Variants in ENTREP2 observed in about 807,000 individuals in gnomAD.
The protein encoded by ENTREP2 is protein ENTREP2.
the ENTREP2 span, among the ~76,000 whole-genome samples, chr15:29,642,536 C>T: frequency 6.8e-6 from 1 of 146,872 alleles, no homozygotes; most frequent in South Asian, 2.1e-4. Context: ...ACATATATAT[C>T]ATATGTACAT....
At chr15:29,289,424 T>C in the ENTREP2 span, among the ~76,000 whole-genome samples, 28 of 151,864 alleles carry the variant, frequency 1.8e-4, no homozygotes, top group African/African-American at 6.8e-4. Context: ...CGGGTGATAA[T>C]GGGGAAAAAC....
the ENTREP2 span, among the ~76,000 whole-genome samples, chr15:29,442,494 G>A: frequency 6.6e-6 from 1 of 152,144 alleles, no homozygotes; most frequent in African/African-American, 2.4e-5. Context: ...ATCAAAGAGG[G>A]GGAACTCTGT....
chr15:29,529,792 T>C, the ENTREP2 span, among the ~76,000 whole-genome samples: 2 of 152,142 alleles, frequency 1.3e-5, no homozygotes, highest in Non-Finnish European at 2.9e-5. Context: ...ACCTTAGGGT[T>C]TACACAGCAC....
At chr15:29,338,382 C>T in the ENTREP2 span, among the ~76,000 whole-genome samples, 147 of 148,186 alleles carry the variant, frequency 9.9e-4, no homozygotes, top group African/African-American at 3.2e-3. Flanking sequence ...GCCAAGATCG[C>T]GCCACTGCAC....
the ENTREP2 span, among the ~76,000 whole-genome samples, chr15:29,514,774 T>C: frequency 6.6e-6 from 1 of 152,180 alleles, no homozygotes; most frequent in African/African-American, 2.4e-5. Context: ...ATGGATTTCT[T>C]CAAAGCACAG....
the ENTREP2 span, among the ~76,000 whole-genome samples, chr15:29,457,360 A>T: frequency 6.6e-6 from 1 of 152,252 alleles, no homozygotes; most frequent in Non-Finnish European, 1.5e-5. Flanking sequence ...TTTAGAAATG[A>T]AAATACAAGC....
the ENTREP2 span, among the ~76,000 whole-genome samples, chr15:29,251,428 A>G: frequency 1.3e-5 from 2 of 152,248 alleles, no homozygotes; most frequent in Non-Finnish European, 2.9e-5. Flanking sequence ...TTGATCTTCT[A>G]CAACAAGCTC....
At chr15:29,601,015 A>T in the ENTREP2 span, among the ~76,000 whole-genome samples, 1 of 148,802 alleles carries the variant, frequency 6.7e-6, no homozygotes. Flanking sequence ...CTCCTGCCTC[A>T]GCCTCCCAAG....
the ENTREP2 span, among the ~76,000 whole-genome samples, chr15:29,592,012 T>A: frequency 6.6e-6 from 1 of 152,174 alleles, no homozygotes; most frequent in Non-Finnish European, 1.5e-5. Flanking sequence ...CCCCAACAAA[T>A]TTCAGAGAAA....
At chr15:29,416,736 G>A in the ENTREP2 span, among the ~76,000 whole-genome samples, 1 of 152,086 alleles carries the variant, frequency 6.6e-6, no homozygotes, top group Non-Finnish European at 1.5e-5. Context: ...GAAAATTTTT[G>A]CAATCTACTC....
At chr15:29,345,233 T>C in the ENTREP2 span, among the ~76,000 whole-genome samples, 21 of 152,198 alleles carry the variant, frequency 1.4e-4, no homozygotes, top group Admixed American at 1.2e-3. Context: ...GAAAGCTGTC[T>C]CTAGAGGCTG....
chr15:29,408,531 T>C, the ENTREP2 span, among the ~76,000 whole-genome samples: 1 of 152,212 alleles, frequency 6.6e-6, no homozygotes, highest in African/African-American at 2.4e-5. Context: ...GAGAAACTGA[T>C]CTGAATCTGC....
the ENTREP2 span, among the ~76,000 whole-genome samples, chr15:29,275,192 C>T: frequency 1.3e-5 from 2 of 152,098 alleles, no homozygotes; most frequent in African/African-American, 2.4e-5. Flanking sequence ...TTCAGTAGAA[C>T]GATGAGAAAG....
At chr15:29,271,764 G>T in the ENTREP2 span, among the ~76,000 whole-genome samples, 1 of 152,098 alleles carries the variant, frequency 6.6e-6, no homozygotes, top group Non-Finnish European at 1.5e-5. Context: ...TGGGGAGCTC[G>T]GATTTTAAGG....
the ENTREP2 span, among the ~76,000 whole-genome samples, chr15:29,395,847 G>C: frequency 2.6e-5 from 4 of 151,968 alleles, no homozygotes; most frequent in Non-Finnish European, 2.9e-5. Flanking sequence ...TTGTGATTTT[G>C]ATTTGCATCT....
chr15:29,189,786 C>T, the ENTREP2 span, among the ~76,000 whole-genome samples: 25 of 152,040 alleles, frequency 1.6e-4, 1 homozygote, highest in African/African-American at 4.6e-4. Context: ...CACAGTCTTG[C>T]GCTGGGTTTG....
chr15:29,119,958 G>A, the ENTREP2 span, among the ~76,000 whole-genome samples: 1 of 152,210 alleles, frequency 6.6e-6, no homozygotes, highest in African/African-American at 2.4e-5. Context: ...CTGTATTTAA[G>A]GAAACATCTG....
the ENTREP2 span, chr15:29,269,954 A>T: frequency 1.1e-5 from 5 of 455,520 alleles, no homozygotes; most frequent in East Asian, 1.8e-4. Flanking sequence ...TTTTTAGTAT[A>T]GTGAAGTGTT....
chr15:29,224,023 C>T, the ENTREP2 span, among the ~76,000 whole-genome samples: 2 of 152,212 alleles, frequency 1.3e-5, no homozygotes, highest in East Asian at 3.9e-4. Flanking sequence ...GTCGCACTGA[C>T]TTCCAGAACG....
Sources: gnomAD v4.1 joint callset for allele counts (sites outside exome capture counted in the v4.1 genomes callset) on GRCh38, gnomAD v4.1.1 for gene constraint, MANE v1.5 for transcripts, NCBI Gene and HGNC (gene_info 2026-07-23, HGNC 2026-07-21) for gene names.